JAG2: variants seen among roughly 807,000 people sequenced by gnomAD.
JAG2 encodes protein jagged-2.
A neutral mutation model predicts 141.7 loss-of-function variants in JAG2; 46 were observed. That is an observed-to-expected ratio of 0.32 (90% confidence interval 0.26 to 0.42). The LOEUF is 0.42. Among genes scored for constraint, JAG2 ranks in the 10% least tolerant of loss-of-function variants. The probability of loss-of-function intolerance (pLI) is 1.00; values close to 1 mark genes in which losing one functional copy is unlikely to be tolerated. For synonymous variants in JAG2, 862 were observed against 763.5 expected, an observed-to-expected ratio of 1.13 and a Z score of -2.13; for missense variants, 1,500 against 1,817.5, an observed-to-expected ratio of 0.83 and a Z score of 3.18.
intron 20 of JAG2, 39 bp from the exon 21 acceptor site, chr14:105,146,763 A>G: frequency 6.6e-7 from 1 of 1,513,440 alleles, no homozygotes; most frequent in Non-Finnish European, 9.1e-7. Context: ...CAGTGAGGCC[A>G]ACGCCCACCG....
At position 105,148,103 on chromosome 14, in the gene JAG2, G is replaced by A. The variant is rs587734802; in HGVS notation, c.2248+13C>T. On this transcript the variant is annotated intron_variant, in intron 17 of 25. Transcript: ENST00000331782. Reference sequence around the variant, plus strand: ...TATGCCCGGCGGTCGCAGAGGCAGCGGGGGCTCCTCACCGACGGCGCAGGT... The same window carrying A: ...TATGCCCGGCGGTCGCAGAGGCAGCAGGGGCTCCTCACCGACGGCGCAGGT... 53 of 1,535,010 alleles carry A rather than the reference G, an allele frequency of 3.5e-5. No homozygotes were observed. Among genetic ancestry groups the A allele is most frequent in the African/African-American group, 2.9e-4 (21 of 72,822 alleles).
At position 105,155,627 on chromosome 14, in the gene JAG2, G is replaced by C. The variant is rs756900214; in HGVS notation, c.728-5C>G. 3.7e-6 allele frequency: 6 copies of C among 1,612,738 alleles called. No individual in the cohort carries two copies. In the Admixed American group the frequency reaches 5.0e-5, roughly 13 times the overall value. Reference sequence around the variant, plus strand: ...TACACCCTTGTTTACACACAGCTGCGAACAGAGAGGAGCGAGAGGCACAGC... The same window carrying C: ...TACACCCTTGTTTACACACAGCTGCCAACAGAGAGGAGCGAGAGGCACAGC... On this transcript the variant is annotated splice_polypyrimidine_tract_variant and splice_region_variant and intron_variant, in intron 4 of 25. Coordinates refer to ENST00000331782, the MANE Select transcript of JAG2 (RefSeq NM_002226.5).
chr14:105,147,718 G>T, intron 18 of JAG2, 54 bp downstream of exon 18: 2 of 1,304,198 alleles, frequency 1.5e-6, no homozygotes, highest in Non-Finnish European at 1.1e-6. Flanking sequence ...CGGGGGCAGG[G>T]ATGTCATCTG....
rs1421375179 is a variant in JAG2 at position 105,143,492 on chromosome 14, G to A, written c.3231C>T (p.Gly1077=). 2.6e-6 allele frequency: 4 copies of A among 1,556,342 alleles called. No individual in the cohort carries two copies. The highest frequency in any genetic ancestry group is 3.5e-6 in the Non-Finnish European group (4 of 1,152,292). The change falls in exon 25 of 26, where the codon GGC becomes GGT. Residue 1077 remains glycine, a synonymous_variant. Transcript: ENST00000331782. ...EVKVETVVTG[G]SSTGLLVPVL... Reference sequence around the variant, plus strand: ...ACCTCCCGCGCTTACCTGTGGAAGAGCCGCCCGTAACAACCGTCTCCACCT... The same window carrying A: ...ACCTCCCGCGCTTACCTGTGGAAGAACCGCCCGTAACAACCGTCTCCACCT...
rs587711373 is a variant in JAG2 at position 105,142,193 on chromosome 14, G to A, written c.*502C>T. ...CCCACCGACCACCGTAGGTCCCACC[G>A]ACAGCCACAGGTCCCATTGACAGCC... On this transcript the variant is annotated 3_prime_UTR_variant, in exon 26 of 26. Transcript: ENST00000331782. 3.9e-4 allele frequency: 63 copies of A among 160,608 alleles called. No individual in the cohort carries two copies. The South Asian group carries it at 0.011, about 27-fold the overall frequency. The allele number at this position is 160,608 out of a possible 1,614,324, so 9.9% of individuals were successfully genotyped here.
rs1196280823 is a variant in JAG2 at position 105,154,997 on chromosome 14, C to A, written c.788+565G>T. Among the ~76,000 whole-genome samples, 2 of 141,436 alleles carry A rather than the reference C, an allele frequency of 1.4e-5. No individual in the cohort carries two copies. Among genetic ancestry groups the A allele is most frequent in the Non-Finnish European group, 3.1e-5 (2 of 64,840 alleles). The allele number at this position is 141,436 out of a possible 152,430, so 92.8% of individuals were successfully genotyped here. The stretch of plus-strand genomic sequence containing the variant: ...GACCCCCTCCCCATCCCGCTGGCCC[C>A]TCCCCCACCACCCCCACATGCCCCA... On this transcript the variant is annotated intron_variant, in intron 5 of 25. Coordinates refer to ENST00000331782, the MANE Select transcript of JAG2 (RefSeq NM_002226.5). This position sits in a 1 kb window ranked among gnomAD's most constrained non-coding sequence, Gnocchi z 4.4.
In JAG2 at chr14:105,167,208, C is replaced by T. The variant is rs1008681322; in HGVS notation, c.417+549G>A. The stretch of plus-strand genomic sequence containing the variant: ...CTGCACCAGGATCCACTATCTCTGT[C>T]TCTGAACGATCTTGGGTCACCATCG... On this transcript the variant is annotated intron_variant, in intron 2 of 25. Coordinates refer to ENST00000331782, the MANE Select transcript of JAG2 (RefSeq NM_002226.5). This position sits in a 1 kb window ranked among gnomAD's most constrained non-coding sequence, Gnocchi z 4.8. Among the ~76,000 whole-genome samples, 1 of 152,230 alleles carries T rather than the reference C, an allele frequency of 6.6e-6. No homozygotes were observed. Among genetic ancestry groups the T allele is most frequent in the African/African-American group, 2.4e-5 (1 of 41,472 alleles).
intron 15 of JAG2, 125 bp downstream of exon 15, chr14:105,148,620 C>T: frequency 1.0e-6 from 1 of 974,964 alleles, no homozygotes; most frequent in East Asian, 2.6e-5. Context: ...ATGGTGGCAG[C>T]ACCCCCTGGC....
intron 5 of JAG2, among the ~76,000 whole-genome samples, chr14:105,155,359 T>C (rs1888547881): frequency 6.6e-6 from 1 of 152,132 alleles, no homozygotes; most frequent in Non-Finnish European, 1.5e-5. Context: ...TGTCCTCACA[T>C]GGCTGCCGCC....
In JAG2 at chr14:105,146,587, C is replaced by G. The variant is rs1222175594; in HGVS notation, c.2593+24G>C. On this transcript the variant is annotated intron_variant, in intron 21 of 25. Coordinates refer to ENST00000331782, the MANE Select transcript of JAG2 (RefSeq NM_002226.5). ...CCCATGCCCCCCAACCCGCCCCAAC[C>G]CAGGGCAATCACACGGGGCCTACCT... 6.2e-6 allele frequency: 10 copies of G among 1,608,600 alleles called. No individual in the cohort carries two copies. The South Asian group carries it at 1.1e-4, about 18-fold the overall frequency.
At position 105,157,797 on chromosome 14, in the gene JAG2, G is replaced by A. The variant is rs904715335; in HGVS notation, c.418-34C>T. On this transcript the variant is annotated intron_variant, in intron 2 of 25. Coordinates refer to ENST00000331782, the MANE Select transcript of JAG2 (RefSeq NM_002226.5). ...ATGGGGAGGCGGGTCAGGTACCTGA[G>A]GCCACACCTGCCTGCCTCGTTCAGG... 1.9e-6 allele frequency: 3 copies of A among 1,541,332 alleles called. No homozygotes were observed. The African/African-American group carries it at 4.1e-5, about 21-fold the overall frequency.
chr14:105,166,465 C>A (rs1888913282), intron 2 of JAG2, among the ~76,000 whole-genome samples: 1 of 152,238 alleles, frequency 6.6e-6, no homozygotes, highest in Admixed American at 6.5e-5. Context: ...CCCATGCCCG[C>A]CCCTGCCTTT....
chr14:105,143,763 T>A, intron 24 of JAG2, 125 bp from the exon 25 acceptor site: 1 of 1,194,974 alleles, frequency 8.4e-7, no homozygotes, highest in Non-Finnish European at 1.2e-6. Flanking sequence ...GAGCCCGGGG[T>A]CCTGCAGTGG....
Position 105,143,188 on chromosome 14 carries a change from G to A in JAG2, c.3242-18C>T, listed in dbSNP as rs772927787. On this transcript the variant is annotated intron_variant, in intron 25 of 25. Transcript: ENST00000331782. ...CAGCAGACCTGGGGACCGGGGAGAA[G>A]AGCCGGTGGGCAATGAGGCCTGGGC... is the stretch of plus-strand genomic sequence containing the variant. 1.1e-5 allele frequency: 17 copies of A among 1,592,518 alleles called. No homozygotes were observed. In the South Asian group the frequency reaches 1.9e-4, roughly 18 times the overall value.
At chr14:105,159,680 C>T (rs1888676771) in intron 2 of JAG2, among the ~76,000 whole-genome samples, 1 of 137,992 alleles carries the variant, frequency 7.2e-6, no homozygotes, top group African/African-American at 2.8e-5. Context: ...ATCACCTCCC[C>T]AGGGCTCCAT....
rs747284361 is a variant in JAG2 at position 105,149,064 on chromosome 14, C to T, written c.1779G>A (p.Ala593=). ...CTGCTGTGCCAGGCATCCCAGGCCC[C>T]GCGTCTGACCCGCAGCCATCGATCA... ...CRVIDGCGSD[A]GPGMPGTAAS... is the part of the protein sequence containing the mutation. Residue 593 remains alanine (A), a synonymous_variant, in exon 14 of 26, where the codon GCG becomes GCA. Transcript: ENST00000331782. 27 of 1,609,628 alleles carry T rather than the reference C, an allele frequency of 1.7e-5. No individual in the cohort carries two copies. Among genetic ancestry groups the T allele is most frequent in the Middle Eastern group, 1.7e-4 (1 of 5,764 alleles).
At chr14:105,153,263 C>T (rs915025617) in intron 5 of JAG2, among the ~76,000 whole-genome samples, 3 of 152,244 alleles carry the variant, frequency 2.0e-5, no homozygotes, top group South Asian at 2.1e-4. Context: ...GCCTATCAGC[C>T]CAGTTCAGCT....
intron 2 of JAG2, among the ~76,000 whole-genome samples, chr14:105,163,701 G>A (rs1888826543): frequency 6.6e-6 from 1 of 151,364 alleles, no homozygotes; most frequent in Non-Finnish European, 1.5e-5. Context: ...CTGGGGACAG[G>A]GACCCTGCTT....
chr14:105,166,328 G>A (rs1385996585), intron 2 of JAG2, among the ~76,000 whole-genome samples: 1 of 152,272 alleles, frequency 6.6e-6, no homozygotes, highest in Non-Finnish European at 1.5e-5. Flanking sequence ...CACATCCTCA[G>A]GTAGCGATGT....
Sources: allele counts gnomAD v4.1 joint callset (sites outside exome capture counted in the v4.1 genomes callset), GRCh38; gene constraint gnomAD v4.1.1; non-coding constraint Gnocchi (gnomAD v3.1); transcripts MANE v1.5; gene names NCBI Gene and HGNC (gene_info 2026-07-23, HGNC 2026-07-21).